The following BRWD1 variants were observed in gnomAD, a reference collection of about 807,000 sequenced individuals.
BRWD1 encodes bromodomain and WD repeat domain containing 1, also known as bromodomain and WD repeat-containing protein 1.
In BRWD1, 82 loss-of-function variants were observed where a neutral mutation model predicts 251.2. That is an observed-to-expected ratio of 0.33 (90% confidence interval 0.27 to 0.39). The LOEUF is 0.39. BRWD1 is among the 10% of genes least tolerant of loss of function. The pLI is 1.00. For missense variants in BRWD1, 2,233 were observed against 2,711.6 expected (o/e 0.82, Z 3.92); for synonymous variants, 918 against 902.8 (o/e 1.02, Z -0.30).
At position 39,249,956 on chromosome 21, in the gene BRWD1, G is replaced by GTA. The variant is rs1555861738; in HGVS notation, c.2349+838_2349+839dup. ...TGTGTGTGTGTGTGTGTGTGTGTGT[G>GTA]TATACACACACACATAGATATATAT... On this transcript the variant is annotated intron_variant, in intron 20 of 40. Coordinates refer to ENST00000342449, the MANE Select transcript of BRWD1 (RefSeq NM_033656.4). Among the ~76,000 whole-genome samples, 311 of 143,670 alleles carry GTA rather than the reference G, an allele frequency of 2.2e-3. 2 individuals are homozygous for GTA. Among genetic ancestry groups the GTA allele is most frequent in the African/African-American group, 7.6e-3 (297 of 39,184 alleles). 94.3% of individuals were successfully genotyped at this position (143,670 alleles called of 152,430 possible).
intron 38 of BRWD1, among the ~76,000 whole-genome samples, chr21:39,201,107 G>A (rs751187958): frequency 5.3e-5 from 8 of 152,174 alleles, no homozygotes; most frequent in Non-Finnish European, 1.0e-4. Flanking sequence ...TAGTTTGCAT[G>A]TCTCACCATC....
chr21:39,272,911 C>T (rs1204665408), intron 13 of BRWD1, among the ~76,000 whole-genome samples: 1 of 152,162 alleles, frequency 6.6e-6, no homozygotes, highest in Non-Finnish European at 1.5e-5. Context: ...TATGCCCAGC[C>T]ACAAATTAAT....
Position 39,190,515 on chromosome 21 carries a change from C to A in BRWD1, c.*5744G>T. ...AAATCAAATCCACAAAGTGGGTAAA[C>A]CCTCTAGGTGCAAGTTATAAGCTCC... On this transcript the variant is annotated 3_prime_UTR_variant, in exon 41 of 41. Transcript: ENST00000342449. 1 of 985,286 alleles carries A rather than the reference C, an allele frequency of 1.0e-6. No homozygotes were observed. Among genetic ancestry groups the A allele is most frequent in the Middle Eastern group, 5.2e-4 (1 of 1,912 alleles). 61.0% of individuals were successfully genotyped at this position (985,286 alleles called of 1,614,324 possible). A position where few individuals can be genotyped will look rare whatever the true frequency, so the allele number is the denominator to read the frequency against.
intron 10 of BRWD1, 44 bp downstream of exon 10, chr21:39,278,698 GT>G: frequency 3.5e-6 from 5 of 1,422,860 alleles, no homozygotes; most frequent in South Asian, 1.4e-5. Flanking sequence ...TTTAATAGAT[GT>G]TTAAAAAAAA....
Position 39,192,692 on chromosome 21 carries a change from A to G in BRWD1, c.*3567T>C. ...ATTTCAGCTTTAAAAGGGCAAAGCA[A>G]AAAGACCATTTTCTAGCCATTTAAA... On this transcript the variant is annotated 3_prime_UTR_variant, in exon 41 of 41. Transcript: ENST00000342449. 3 of 985,234 alleles carry G rather than the reference A, an allele frequency of 3.0e-6. No individual in the cohort carries two copies. Among genetic ancestry groups the G allele is most frequent in the African/African-American group, 1.7e-5 (1 of 57,334 alleles). The allele number at this position is 985,234 out of a possible 1,614,324, so 61.0% of individuals were successfully genotyped here.
chr21:39,198,847 A>T lies in BRWD1; in HGVS notation c.5569T>A (p.Ser1857Thr), dbSNP rs1365327935. 6.2e-7 allele frequency: 1 copy of T among 1,614,076 alleles called. No homozygotes were observed. Among genetic ancestry groups the T allele is most frequent in the Non-Finnish European group, 8.5e-7 (1 of 1,179,932 alleles). Residue 1857 changes from serine to threonine, a missense_variant, in exon 40 of 41, where the codon TCC (serine) becomes ACC (threonine). By Grantham distance (58) the Ser-to-Thr change is moderately conservative. Transcript: ENST00000342449. ...GNLNCDPIAM[S>T]QCSSDHGCET... ...CATCCATGATCTGAGGAACACTGGG[A>T]CATAGCAATAGGGTCACAGTTCAGA...
In BRWD1 at chr21:39,215,250, A is replaced by G. The variant is rs749786930; in HGVS notation, c.3772T>C (p.Leu1258=). 3.1e-6 allele frequency: 5 copies of G among 1,611,656 alleles called. No individual in the cohort carries two copies. In the East Asian group the frequency reaches 1.1e-4, roughly 36 times the overall value. The change falls in exon 32 of 41, where the codon TTA becomes CTA. Residue 1258 remains leucine (L), a synonymous_variant. Coordinates refer to ENST00000342449, the MANE Select transcript of BRWD1 (RefSeq NM_033656.4). ...RSAKKITDQL[L]KFIKNQHCTN... Reference sequence around the variant, plus strand: ...GAAATTACTTACTTGATAAATTTTAAAAGTTGGTCAGTTATCTTTTTAGCT... The same window carrying G: ...GAAATTACTTACTTGATAAATTTTAGAAGTTGGTCAGTTATCTTTTTAGCT...
chr21:39,233,876 C>T (rs532227199), intron 23 of BRWD1, among the ~76,000 whole-genome samples: 8 of 152,186 alleles, frequency 5.3e-5, no homozygotes, highest in Non-Finnish European at 7.4e-5. Context: ...AAAAACTAAC[C>T]GAGCGTGGTG....
At chr21:39,215,674 A>G (rs562460621) in intron 31 of BRWD1, among the ~76,000 whole-genome samples, 3 of 152,130 alleles carry the variant, frequency 2.0e-5, no homozygotes, top group Non-Finnish European at 4.4e-5. Flanking sequence ...GAATCTCAAT[A>G]AAGAAAATAT....
chr21:39,199,128 T>C lies in BRWD1; in HGVS notation c.5288A>G (p.His1763Arg). ...IESSEEDSKS[H>R]DSDHACNRTA... ...TCTGTTACATGCATGATCTGAATCA[T>C]GACTTTTAGAGTCTTCCTCAGAAGA... Residue 1763 changes from histidine to arginine, a missense_variant, in exon 40 of 41, where the codon CAT (histidine) becomes CGT (arginine). Physicochemically the swap from His to Arg is conservative, Grantham distance 29. Around this residue, in one of 12 missense-constraint regions of BRWD1, gnomAD observed 928 missense variants for 970.0 expected, o/e 0.96. Transcript: ENST00000342449. 6.2e-7 allele frequency: 1 copy of C among 1,614,002 alleles called. No individual in the cohort carries two copies. Among genetic ancestry groups the C allele is most frequent in the Non-Finnish European group, 8.5e-7 (1 of 1,179,982 alleles).
At chr21:39,264,088 T>G (rs2034841498) in intron 17 of BRWD1, among the ~76,000 whole-genome samples, 3 of 152,140 alleles carry the variant, frequency 2.0e-5, no homozygotes. Flanking sequence ...GACAACTAAC[T>G]TTCGTATTTC....
chr21:39,291,560 A>C (rs1334513483), intron 8 of BRWD1, among the ~76,000 whole-genome samples: 1 of 152,158 alleles, frequency 6.6e-6, no homozygotes, highest in African/African-American at 2.4e-5. Flanking sequence ...ATACTCGCTG[A>C]CCAGACCTTG....
chr21:39,240,789 A>T (rs2033961528), intron 21 of BRWD1, among the ~76,000 whole-genome samples: 1 of 152,376 alleles, frequency 6.6e-6, no homozygotes, highest in Non-Finnish European at 1.5e-5. Context: ...AGAAGGATAA[A>T]TAACTTTTGA....
At chr21:39,262,693 G>A (rs144337987) in intron 17 of BRWD1, among the ~76,000 whole-genome samples, 157 of 151,948 alleles carry the variant, frequency 1.0e-3, no homozygotes, top group African/African-American at 3.7e-3. Context: ...CCAGTCTGCC[G>A]ACGGAGCAAG....
chr21:39,209,608 A>T (rs2032568780), intron 36 of BRWD1, among the ~76,000 whole-genome samples: 1 of 152,020 alleles, frequency 6.6e-6, no homozygotes, highest in East Asian at 1.9e-4. Flanking sequence ...TCACAATCAG[A>T]TTTTCCTTTT....
intron 19 of BRWD1, among the ~76,000 whole-genome samples, chr21:39,252,313 C>T (rs569922267): frequency 1.3e-5 from 2 of 151,884 alleles, no homozygotes; most frequent in South Asian, 2.1e-4. Context: ...AGACAAACTA[C>T]GTGCCTGAAT....
intron 19 of BRWD1, among the ~76,000 whole-genome samples, chr21:39,253,805 T>A (rs915368594): frequency 1.3e-5 from 2 of 152,162 alleles, no homozygotes; most frequent in Non-Finnish European, 2.9e-5. Context: ...CATGAGAAAA[T>A]ACTGAAACAT....
chr21:39,232,908 A>G (rs574641897), intron 23 of BRWD1, among the ~76,000 whole-genome samples: 4 of 152,298 alleles, frequency 2.6e-5, no homozygotes, highest in South Asian at 4.1e-4. Flanking sequence ...AAATATGCCT[A>G]CAAATTCCCC....
At position 39,220,689 on chromosome 21, in the gene BRWD1, T is replaced by C. The variant is rs1047957001; in HGVS notation, c.3383-2029A>G. 2.6e-5 allele frequency among the ~76,000 whole-genome samples: 4 copies of C among 151,936 alleles called. No homozygotes were observed. In the East Asian group the frequency reaches 7.7e-4, roughly 29 times the overall value. ...GAATTAGCAAAGACATGAATGCAGT[T>C]ATTATATTACGCATGTTCATTAAAA... On this transcript the variant is annotated intron_variant, in intron 29 of 40. Transcript: ENST00000342449.
Sources: gnomAD v4.1 joint callset for allele counts (sites outside exome capture counted in the v4.1 genomes callset) on GRCh38, gnomAD v4.1.1 for gene constraint, gnomAD v4.1.1 regional missense constraint, MANE v1.5 for transcripts, NCBI Gene and HGNC (gene_info 2026-07-23, HGNC 2026-07-21) for gene names.